LARGE1: variants seen among roughly 807,000 people sequenced by gnomAD.
LARGE1 encodes the protein LARGE xylosyl- and glucuronyltransferase 1.
LARGE1 carries 43 observed loss-of-function variants against 87.6 expected under a neutral mutation model. The observed-to-expected ratio is 0.49, with a 90% CI of 0.38 to 0.63. The LOEUF (loss-of-function observed/expected upper bound fraction) is 0.63. Ranked by LOEUF, LARGE1 falls within the 30% of genes least tolerant of loss-of-function variation. The pLI, the probability that LARGE1 is intolerant of heterozygous loss-of-function variation, is 0.00. For missense variants in LARGE1, 802 were observed against 1,000.2 expected (o/e 0.80, Z 2.67); for synonymous variants, 434 against 394.6 (o/e 1.10, Z -1.18).
intron 4 of LARGE1, among the ~76,000 whole-genome samples, chr22:33,624,186 C>T (rs565873862): frequency 6.6e-6 from 1 of 152,076 alleles, no homozygotes; most frequent in Non-Finnish European, 1.5e-5. Context: ...TTAATGAACT[C>T]CCCCAGACTG....
chr22:33,238,515 A>G (rs2145679161), intron 11 of LARGE1, among the ~76,000 whole-genome samples: 1 of 152,334 alleles, frequency 6.6e-6, no homozygotes, highest in South Asian at 2.1e-4. Context: ...GAGCTAATGG[A>G]CAAAATAGAG....
intron 12 of LARGE1, among the ~76,000 whole-genome samples, chr22:33,303,258 G>T (rs1465410379): frequency 6.6e-6 from 1 of 152,222 alleles, no homozygotes; most frequent in Non-Finnish European, 1.5e-5. Flanking sequence ...GGACACTGGA[G>T]ATTCACAGAA....
chr22:33,572,413 C>T (rs910348767), intron 5 of LARGE1, among the ~76,000 whole-genome samples: 6 of 152,236 alleles, frequency 3.9e-5, no homozygotes, highest in Admixed American at 3.3e-4. Flanking sequence ...GTCTGGCTGG[C>T]CCAATTCTGA....
the LARGE1 span, chr22:33,116,194 T>G: frequency 6.6e-6 from 1 of 152,308 alleles, no homozygotes; most frequent in African/African-American, 2.4e-5. Flanking sequence ...TCCATCCACC[T>G]TCTTTTCCCG....
intron 7 of LARGE1, among the ~76,000 whole-genome samples, chr22:33,420,868 TC>T (rs2066666414): frequency 6.6e-6 from 1 of 152,278 alleles, no homozygotes; most frequent in Admixed American, 6.5e-5. Flanking sequence ...TAATCCTCTT[TC>T]CCCATTTACG....
At chr22:33,838,037 T>C (rs1027675128) in intron 1 of LARGE1, among the ~76,000 whole-genome samples, 4 of 152,250 alleles carry the variant, frequency 2.6e-5, no homozygotes, top group African/African-American at 7.2e-5. Context: ...GAAACAGGCA[T>C]GGTTGTGTGC....
Position 33,679,936 on chromosome 22 carries a change from G to A in LARGE1, c.107-29268C>T, listed in dbSNP as rs76633471. Reference sequence around the variant, plus strand: ...GCATCTCCAGAAGGAGTATGGTTTAGCCAATACCTTGATTTTGGACTTCTA... The same window carrying A: ...GCATCTCCAGAAGGAGTATGGTTTAACCAATACCTTGATTTTGGACTTCTA... On this transcript the variant is annotated intron_variant, in intron 2 of 14. Coordinates refer to ENST00000397394, the MANE Select transcript of LARGE1 (RefSeq NM_133642.5). Among the ~76,000 whole-genome samples, 774 of 152,316 alleles carry A rather than the reference G, an allele frequency of 5.1e-3. 6 individuals are homozygous for A. The highest frequency in any genetic ancestry group is 0.018 in the African/African-American group (738 of 41,572).
chr22:33,219,992 T>G (rs941344576), intron 11 of LARGE1, among the ~76,000 whole-genome samples: 1 of 152,186 alleles, frequency 6.6e-6, no homozygotes, highest in Admixed American at 6.5e-5. Flanking sequence ...AGAAAAATAC[T>G]TTCTCATAAA....
At chr22:33,316,555 A>C (rs1341213473) in intron 10 of LARGE1, among the ~76,000 whole-genome samples, 1 of 152,156 alleles carries the variant, frequency 6.6e-6, no homozygotes, top group Non-Finnish European at 1.5e-5. Context: ...AACCTGGGCA[A>C]CCAGGCAAAA....
intron 9 of LARGE1, among the ~76,000 whole-genome samples, chr22:33,363,204 C>A (rs1366534209): frequency 6.7e-6 from 1 of 149,668 alleles, no homozygotes; most frequent in Admixed American, 6.6e-5. Context: ...ATTCCAAAAC[C>A]CAGAATGGTT....
At chr22:33,267,979 G>T (rs562471153), downstream of LARGE1, among the ~76,000 whole-genome samples, 1 of 149,684 alleles carries the variant, frequency 6.7e-6, no homozygotes, top group Non-Finnish European at 1.5e-5. Context: ...TTTTTGAGAC[G>T]GGGTCTTGCT....
intron 1 of LARGE1, among the ~76,000 whole-genome samples, chr22:33,864,971 C>A (rs529291846): frequency 2.6e-5 from 4 of 152,346 alleles, no homozygotes; most frequent in African/African-American, 9.6e-5. Flanking sequence ...GGATCCCTGG[C>A]CCACCCACAG....
chr22:33,333,166 C>A (rs1434470717), intron 10 of LARGE1, among the ~76,000 whole-genome samples: 1 of 152,080 alleles, frequency 6.6e-6, no homozygotes, highest in African/African-American at 2.4e-5. Flanking sequence ...ACTACAGGCG[C>A]CCACCACCAA....
intron 1 of LARGE1, among the ~76,000 whole-genome samples, chr22:33,833,844 C>T (rs972572338): frequency 5.9e-5 from 9 of 152,040 alleles, no homozygotes; most frequent in Non-Finnish European, 1.2e-4. Context: ...TGCGCCACCA[C>T]GCCTGGCTAA....
chr22:33,872,355 CTATCTATTATTAT>C (rs1427937646), intron 1 of LARGE1, among the ~76,000 whole-genome samples: 1,636 of 133,844 alleles, frequency 0.012, 38 homozygotes, highest in African/African-American at 0.046. Context: ...GCAGTAAATG[CTATCTATTATTAT>C]TATTATTATT....
the LARGE1 span, among the ~76,000 whole-genome samples, chr22:33,099,308 C>A: frequency 6.6e-6 from 1 of 152,084 alleles, no homozygotes; most frequent in Admixed American, 6.6e-5. Flanking sequence ...GGCTGGAGTG[C>A]AATGGCGTGA....
At chr22:33,485,398 G>A (rs1286981796) in intron 6 of LARGE1, among the ~76,000 whole-genome samples, 3 of 151,774 alleles carry the variant, frequency 2.0e-5, no homozygotes, top group Non-Finnish European at 2.9e-5. Flanking sequence ...ATTTTTAGTA[G>A]AGACCGGGTT....
At chr22:33,533,193 A>G (rs1187210256) in intron 6 of LARGE1, among the ~76,000 whole-genome samples, 1 of 152,210 alleles carries the variant, frequency 6.6e-6, no homozygotes, top group Non-Finnish European at 1.5e-5. Flanking sequence ...ACAGATGTTC[A>G]TTTTATGAGC....
At chr22:33,798,485 G>A (rs572919755) in intron 1 of LARGE1, among the ~76,000 whole-genome samples, 13 of 152,296 alleles carry the variant, frequency 8.5e-5, no homozygotes, top group African/African-American at 2.9e-4. Flanking sequence ...GATCCCGACG[G>A]CTTGAAAGGG....
Sources: gnomAD v4.1 joint callset for allele counts (sites outside exome capture counted in the v4.1 genomes callset) on GRCh38, gnomAD v4.1.1 for gene constraint, MANE v1.5 for transcripts, NCBI Gene and HGNC (gene_info 2026-07-23, HGNC 2026-07-21) for gene names.